Variants in SUPT3H observed in about 807,000 individuals in gnomAD.
SUPT3H encodes SPT3 homolog, SAGA and STAGA complex component.
A neutral mutation model predicts 44.3 loss-of-function variants in SUPT3H; 44 were observed. The ratio of observed to expected loss-of-function variants is 0.99; its 90% CI spans 0.78 to 1.28. The LOEUF (loss-of-function observed/expected upper bound fraction) is 1.28, where lower values mean the gene tolerates loss of function less well. Among genes scored for constraint, SUPT3H ranks in the 50% most tolerant of loss-of-function variants. The pLI is 0.00. For synonymous variants in SUPT3H, 124 were observed against 125.6 expected (o/e 0.99, Z 0.09); for missense variants, 380 against 387.1 (o/e 0.98, Z 0.15).
chr6:45,311,456 C>CA (rs975912498), intron 2 of SUPT3H, among the ~76,000 whole-genome samples: 5 of 152,088 alleles, frequency 3.3e-5, no homozygotes, highest in African/African-American at 1.2e-4. Context: ...ACAAGAAGCA[C>CA]AAAAAAACAC....
At chr6:44,934,676 C>G (rs953425799) in intron 9 of SUPT3H, among the ~76,000 whole-genome samples, 1 of 152,234 alleles carries the variant, frequency 6.6e-6, no homozygotes, top group Non-Finnish European at 1.5e-5. Context: ...CCACTCACCC[C>G]TTCTGCCATG....
chr6:44,847,048 G>T lies in SUPT3H; in HGVS notation c.913-17191C>A, dbSNP rs563137299. On this transcript the variant is annotated intron_variant, in intron 10 of 10. Coordinates refer to ENST00000371459, the MANE Select transcript of SUPT3H (RefSeq NM_003599.4). ...TTTAAACTGGAAAACACATAAATGT[G>T]ATTTTTCTGTTTTCAGTAATTGATA... is the stretch of plus-strand genomic sequence containing the variant. Among the ~76,000 whole-genome samples, 28 of 152,320 alleles carry T rather than the reference G, an allele frequency of 1.8e-4. No homozygotes were observed. The South Asian group carries it at 5.0e-3, about 27-fold the overall frequency.
Position 44,811,013 on chromosome 6 carries a change from T to C in SUPT3H, c.*53-1512A>G, listed in dbSNP as rs550398201. On this transcript the variant is annotated intron_variant and NMD_transcript_variant, in intron 11 of 11. Coordinates refer to the SUPT3H transcript ENST00000475057. ...ACCTACTTTCCTCTATTATTAGTAA[T>C]TTACATTATGATACATTTGTCACAA... Among the ~76,000 whole-genome samples, 6 of 152,340 alleles carry C rather than the reference T, an allele frequency of 3.9e-5. No homozygotes were observed. In the South Asian group the frequency reaches 1.0e-3, roughly 26 times the overall value.
intron 11 of SUPT3H, among the ~76,000 whole-genome samples, chr6:44,821,213 C>G (rs141115764): frequency 2.4e-4 from 37 of 152,272 alleles, no homozygotes; most frequent in Non-Finnish European, 5.3e-4. Flanking sequence ...ATGAGGACAG[C>G]TTTTTACGGT....
At position 44,890,016 on chromosome 6, in the gene SUPT3H, C is replaced by T. The variant is rs1280360097; in HGVS notation, c.912+42637G>A. On this transcript the variant is annotated intron_variant, in intron 10 of 10. Coordinates refer to ENST00000371459, the MANE Select transcript of SUPT3H (RefSeq NM_003599.4). ...CAAAAACACATGAAACAATGCTCAC[C>T]ATCACTGGCCATCAGAGAAATGCAA... Among the ~76,000 whole-genome samples, 8 of 151,462 alleles carry T rather than the reference C, an allele frequency of 5.3e-5. No individual in the cohort carries two copies. In the South Asian group the frequency reaches 1.7e-3, roughly 32 times the overall value.
chr6:45,191,014 T>TA (rs1405015422), intron 2 of SUPT3H, among the ~76,000 whole-genome samples: 1 of 152,092 alleles, frequency 6.6e-6, no homozygotes, highest in African/African-American at 2.4e-5. Flanking sequence ...TAGTGTCTTA[T>TA]AAAACTAAAC....
At chr6:45,052,195 G>A (rs1292025512) in intron 3 of SUPT3H, among the ~76,000 whole-genome samples, 1 of 152,162 alleles carries the variant, frequency 6.6e-6, no homozygotes, top group Middle Eastern at 3.2e-3. Flanking sequence ...AGAAGATTCG[G>A]AATATATTTT....
intron 2 of SUPT3H, among the ~76,000 whole-genome samples, chr6:45,287,671 GT>G (rs1243900979): frequency 1.3e-5 from 2 of 152,138 alleles, no homozygotes; most frequent in African/African-American, 4.8e-5. Context: ...AGATGAAAAA[GT>G]TCTGGAGATG....
intron 2 of SUPT3H, among the ~76,000 whole-genome samples, chr6:45,325,156 G>A (rs1786153838): frequency 6.6e-6 from 1 of 151,684 alleles, no homozygotes; most frequent in Non-Finnish European, 1.5e-5. Flanking sequence ...AGCCAAATTA[G>A]GACTTCTAAA....
At chr6:44,835,357 C>T (rs913844947) in intron 10 of SUPT3H, among the ~76,000 whole-genome samples, 2 of 152,120 alleles carry the variant, frequency 1.3e-5, no homozygotes, top group Non-Finnish European at 2.9e-5. Context: ...AGTATACATG[C>T]TCTGTCTCTA....
chr6:45,305,606 T>C (rs1782869137), intron 2 of SUPT3H, among the ~76,000 whole-genome samples: 1 of 152,234 alleles, frequency 6.6e-6, no homozygotes, highest in African/African-American at 2.4e-5. Context: ...AAAATCCTTC[T>C]GGTCCCTTCT....
At chr6:45,175,553 A>AT (rs1375943380) in intron 2 of SUPT3H, among the ~76,000 whole-genome samples, 1 of 152,178 alleles carries the variant, frequency 6.6e-6, no homozygotes, top group Non-Finnish European at 1.5e-5. Context: ...AAGCCTAGCC[A>AT]TATCAGCTCC....
chr6:45,079,386 T>G (rs970409067), intron 3 of SUPT3H, among the ~76,000 whole-genome samples: 19 of 124,050 alleles, frequency 1.5e-4, no homozygotes, highest in Admixed American at 5.7e-4. Context: ...GGAGGAGAAG[T>G]GGAAGAAGGA....
At chr6:45,302,096 T>A (rs1328270633) in intron 2 of SUPT3H, among the ~76,000 whole-genome samples, 1 of 152,078 alleles carries the variant, frequency 6.6e-6, no homozygotes, top group African/African-American at 2.4e-5. Flanking sequence ...ATGAGGGAAG[T>A]AACTTTTTAA....
At chr6:45,371,387 T>C (rs1188183725) in intron 1 of SUPT3H, among the ~76,000 whole-genome samples, 1 of 148,152 alleles carries the variant, frequency 6.7e-6, no homozygotes, top group Non-Finnish European at 1.5e-5. Flanking sequence ...TCACCAGTAT[T>C]AGCTCACTTT....
At chr6:45,226,906 G>A (rs12209175) in intron 2 of SUPT3H, among the ~76,000 whole-genome samples, 1 of 151,858 alleles carries the variant, frequency 6.6e-6, no homozygotes, top group Non-Finnish European at 1.5e-5. Context: ...AGGCTGAGGT[G>A]GGGGAATGGC....
intron 6 of SUPT3H, among the ~76,000 whole-genome samples, chr6:44,980,346 AT>A (rs1447499007): frequency 1.3e-5 from 2 of 151,962 alleles, no homozygotes; most frequent in Non-Finnish European, 2.9e-5. Context: ...TAACAAAATC[AT>A]TTTTTTCTTT....
At chr6:45,165,337 A>G (rs1809664464) in intron 2 of SUPT3H, among the ~76,000 whole-genome samples, 1 of 152,244 alleles carries the variant, frequency 6.6e-6, no homozygotes, top group Non-Finnish European at 1.5e-5. Flanking sequence ...AATCCAAAAT[A>G]GCTCAACTAC....
chr6:44,924,079 C>G (rs1235801060), intron 10 of SUPT3H, among the ~76,000 whole-genome samples: 1 of 152,042 alleles, frequency 6.6e-6, no homozygotes, highest in African/African-American at 2.4e-5. Context: ...AAAATATTTT[C>G]CAGAAAACCT....
Sources: gnomAD v4.1 joint callset for allele counts (sites outside exome capture counted in the v4.1 genomes callset) on GRCh38, gnomAD v4.1.1 for gene constraint, MANE v1.5 for transcripts, NCBI Gene and HGNC (gene_info 2026-07-23, HGNC 2026-07-21) for gene names.